The following PDE4C variants were observed in gnomAD, a reference collection of about 807,000 sequenced individuals.
The protein encoded by PDE4C is phosphodiesterase 4C.
In PDE4C, 50 loss-of-function variants were observed where a neutral mutation model predicts 63.9. That is an observed-to-expected ratio of 0.78 (90% CI 0.62 to 0.99). The LOEUF (loss-of-function observed/expected upper bound fraction) is 0.99. Among genes scored for constraint, PDE4C ranks in the 50% least tolerant of loss-of-function variants. The pLI is 0.00. For synonymous variants in PDE4C, 377 were observed against 385.1 expected (o/e 0.98, Z 0.25); for missense variants, 777 against 899.1 (o/e 0.86, Z 1.74).
At chr19:18,225,316 T>C (rs980525564) in intron 1 of PDE4C, among the ~76,000 whole-genome samples, 3 of 152,086 alleles carry the variant, frequency 2.0e-5, no homozygotes, top group Admixed American at 6.5e-5. Flanking sequence ...GCCCTCGACG[T>C]CCCTGCGCTG....
chr19:18,220,443 A>C lies in PDE4C; in HGVS notation c.572T>G (p.Leu191Arg). The C allele has an allele frequency of 6.2e-7, 1 of 1,614,068 alleles. No individual in the cohort carries two copies. Among genetic ancestry groups the C allele is most frequent in the Non-Finnish European group, 8.5e-7 (1 of 1,180,006 alleles). The change falls in exon 6 of 15, where the codon CTG becomes CGG. Residue 191 changes from leucine to arginine, a missense_variant. Leu to Arg is a moderately radical substitution (Grantham distance 102). Coordinates refer to ENST00000262805, the Ensembl canonical transcript of PDE4C. This position sits in a 1 kb window ranked among gnomAD's most constrained non-coding sequence, Gnocchi z 5.1. ...CTCCCCCACCGAGTGCCGGGTCTGC[A>C]GCGTCTCCAACTGATCCAGGCACCA...
upstream of PDE4C, among the ~76,000 whole-genome samples, chr19:18,236,683 G>A (rs1193037701): frequency 2.0e-5 from 3 of 152,176 alleles, no homozygotes; most frequent in Non-Finnish European, 4.4e-5. Flanking sequence ...CCATCAGCCT[G>A]TGGGCACCTC....
Position 18,220,583 on chromosome 19 carries a change from T to C in PDE4C, c.500-68A>G. 1 of 1,360,692 alleles carries C rather than the reference T, an allele frequency of 7.3e-7. No homozygotes were observed. The highest frequency in any genetic ancestry group is 1.2e-5 in the South Asian group (1 of 81,656). 84.3% of individuals were successfully genotyped at this position (1,360,692 alleles called of 1,614,324 possible). A position where few individuals can be genotyped will look rare whatever the true frequency, so the allele number is the denominator to read the frequency against. Reference sequence around the variant, plus strand: ...CAGGGACCCCACGCCTCTCGCGACTTCGTCTCTTCATCTGGACCCTGAAAC... The same window carrying C: ...CAGGGACCCCACGCCTCTCGCGACTCCGTCTCTTCATCTGGACCCTGAAAC... On this transcript the variant is annotated intron_variant, in intron 5 of 14. Coordinates refer to ENST00000262805, the Ensembl canonical transcript of PDE4C. The surrounding 1 kb of genome is among the most constrained non-coding windows in gnomAD (Gnocchi z 5.1).
rs142342703 is a variant in PDE4C, at chr19:18,220,380, C to G, written c.612+23G>C. The G allele has an allele frequency of 1.1e-3, 1,766 of 1,611,688 alleles. 3 individuals are homozygous for G. Among genetic ancestry groups the G allele is most frequent in the Admixed American group, 2.9e-3 (173 of 60,012 alleles). On this transcript the variant is annotated intron_variant, in intron 6 of 14. Coordinates refer to ENST00000262805, the Ensembl canonical transcript of PDE4C. The surrounding 1 kb of genome is among the most constrained non-coding windows in gnomAD (Gnocchi z 5.1). ...GGCACCGTGGGCCGAGGCAGGTGAG[C>G]TCAGCGATCTGCCCCACCTCACCTT...
the PDE4C span, among the ~76,000 whole-genome samples, chr19:18,254,458 G>A: frequency 6.6e-6 from 1 of 152,216 alleles, no homozygotes; most frequent in Admixed American, 6.5e-5. Flanking sequence ...TGTGCTGGGT[G>A]TTTGCTCTCC....
Position 18,220,570 on chromosome 19 carries a change from G to C in PDE4C, c.500-55C>G, listed in dbSNP as rs761243870. On this transcript the variant is annotated intron_variant, in intron 5 of 14. Coordinates refer to ENST00000262805, the Ensembl canonical transcript of PDE4C. The surrounding 1 kb of genome is among the most constrained non-coding windows in gnomAD (Gnocchi z 5.1). ...CAACCCCCCCGCTCAGGGACCCCACGCCTCTCGCGACTTCGTCTCTTCATC... is the reference window on the plus strand; with the variant it reads ...CAACCCCCCCGCTCAGGGACCCCACCCCTCTCGCGACTTCGTCTCTTCATC... 8 of 1,457,516 alleles carry C rather than the reference G, an allele frequency of 5.5e-6. No homozygotes were observed. The Admixed American group carries it at 1.5e-4, about 27-fold the overall frequency. The allele number at this position is 1,457,516 out of a possible 1,614,324, so 90.3% of individuals were successfully genotyped here. A position where few individuals can be genotyped will look rare whatever the true frequency, so the allele number is the denominator to read the frequency against.
upstream of PDE4C, among the ~76,000 whole-genome samples, chr19:18,248,603 G>A (rs12461561): frequency 0.2 from 30,080 of 151,464 alleles, 3,571 homozygotes; most frequent in Non-Finnish European, 0.26. Context: ...GGGAAGGGGG[G>A]GATTTTATCA....
chr19:18,218,295 C>T (rs1968294503), intron 10 of PDE4C, 39 bp downstream of exon 10: 1 of 1,613,152 alleles, frequency 6.2e-7, no homozygotes, highest in African/African-American at 1.3e-5. Flanking sequence ...TTCTCTGGGC[C>T]CTGCACCCGC....
exon 12 of PDE4C, chr19:18,216,811 T>C: frequency 6.2e-7 from 1 of 1,614,176 alleles, no homozygotes; most frequent in African/African-American, 1.3e-5. Context: ...ATCGCAGTTC[T>C]CTGCCTGCAG....
At chr19:18,215,568 T>C (rs1968154509) in intron 12 of PDE4C, among the ~76,000 whole-genome samples, 1 of 151,926 alleles carries the variant, frequency 6.6e-6, no homozygotes, top group Non-Finnish European at 1.5e-5. Flanking sequence ...CAGGCTGGAA[T>C]GCAGTGTGCG....
chr19:18,232,493 G>A (rs1034121510), intron 1 of PDE4C, among the ~76,000 whole-genome samples: 6 of 151,590 alleles, frequency 4.0e-5, no homozygotes, highest in African/African-American at 9.7e-5. Context: ...ACAGGCCTGC[G>A]GACATTCCAC....
chr19:18,209,531 G>C (rs1018684109), downstream of PDE4C: 1 of 151,898 alleles, frequency 6.6e-6, no homozygotes, highest in Non-Finnish European at 1.5e-5. Context: ...TTACAGGTGT[G>C]AGCCGCCGCA....
exon 1 of PDE4C, chr19:18,233,030 C>T: frequency 6.5e-7 from 1 of 1,548,076 alleles, no homozygotes; most frequent in Non-Finnish European, 8.7e-7. Context: ...CGCGGCAGCC[C>T]GCGGACTTGT....
At chr19:18,209,695 T>C (rs1259235451), downstream of PDE4C, 2 of 85,436 alleles carry the variant, frequency 2.3e-5, no homozygotes, top group African/African-American at 3.5e-5. Context: ...GGCTTTTTTT[T>C]TTTTCTTTTC....
exon 9 of PDE4C, chr19:18,219,018 CTTG>C (rs748054419): frequency 1.1e-5 from 17 of 1,613,334 alleles, no homozygotes; most frequent in South Asian, 2.2e-5. Flanking sequence ...CAAGTCCCCA[CTTG>C]TTGGTGTCTT....
chr19:18,246,858 C>G (rs1855625269), intron 1 of PDE4C, among the ~76,000 whole-genome samples: 1 of 152,148 alleles, frequency 6.6e-6, no homozygotes, highest in Non-Finnish European at 1.5e-5. Flanking sequence ...ACCCGGGAAG[C>G]AGAGATGGCA....
Position 18,242,475 on chromosome 19 carries a change from C to CAAAA in PDE4C, c.-210+5692_-210+5695dup, listed in dbSNP as rs748870873. On this transcript the variant is annotated intron_variant, in intron 1 of 15. Transcript: ENST00000594617. The stretch of plus-strand genomic sequence containing the variant: ...TGGGCAACAAAGGGAGACTCCATCT[C>CAAAA]AAAAAAAAAAAAAAAAAAAAAAAAA... 3.7e-3 allele frequency among the ~76,000 whole-genome samples: 110 copies of CAAAA among 29,772 alleles called. 16 individuals carry two copies. Among genetic ancestry groups the CAAAA allele is most frequent in the African/African-American group, 9.6e-3 (68 of 7,104 alleles). The allele number at this position is 29,772 out of a possible 152,430, so 19.5% of individuals were successfully genotyped here. A position where few individuals can be genotyped will look rare whatever the true frequency, so the allele number is the denominator to read the frequency against.
intron 11 of PDE4C, 38 bp downstream of exon 11, chr19:18,218,111 C>T: frequency 6.7e-7 from 1 of 1,484,578 alleles, no homozygotes; most frequent in Non-Finnish European, 9.4e-7. Flanking sequence ...AGGCAGGGTC[C>T]ACCTCTTCTC....
At chr19:18,234,428 A>T (rs760290891), upstream of PDE4C, among the ~76,000 whole-genome samples, 1 of 152,084 alleles carries the variant, frequency 6.6e-6, no homozygotes, top group Non-Finnish European at 1.5e-5. Flanking sequence ...TCCACCCACC[A>T]GGCGTCTTAG....
Sources: gnomAD v4.1 joint callset for allele counts (sites outside exome capture counted in the v4.1 genomes callset) on GRCh38, gnomAD v4.1.1 for gene constraint, Gnocchi (gnomAD v3.1) non-coding constraint, MANE v1.5 for transcripts, NCBI Gene and HGNC (gene_info 2026-07-23, HGNC 2026-07-21) for gene names.